Variants in GLO1 observed in about 807,000 individuals in gnomAD.
The protein encoded by GLO1 is glyoxalase I.
GLO1 carries 28 observed loss-of-function variants against 26.0 expected under a neutral mutation model. The observed-to-expected ratio is 1.08, with a 90% confidence interval of 0.80 to 1.48. The LOEUF is 1.48. GLO1 is among the 40% of genes most tolerant of loss of function. GLO1 has a pLI of 0.00. For missense variants in GLO1, 225 were observed against 224.8 expected, an observed-to-expected ratio of 1.00 and a Z score of -0.01; for synonymous variants, 78 against 77.6, an observed-to-expected ratio of 1.00 and a Z score of -0.03.
At chr6:38,693,712 TTG>T (rs1761566442) in intron 1 of GLO1, among the ~76,000 whole-genome samples, 1 of 149,760 alleles carries the variant, frequency 6.7e-6, no homozygotes, top group Non-Finnish European at 1.5e-5. Context: ...TATATTTGTT[TTG>T]TTTTGTTTTG....
At chr6:38,687,222 T>A in intron 1 of GLO1, 1 of 352,360 alleles carries the variant, frequency 2.8e-6, no homozygotes, top group Non-Finnish European at 4.0e-6. Flanking sequence ...TCCCTGTCCC[T>A]TGGTGGGACA....
intron 1 of GLO1, among the ~76,000 whole-genome samples, chr6:38,693,174 AGTTT>A (rs1341120109): frequency 6.6e-6 from 1 of 152,156 alleles, no homozygotes; most frequent in African/African-American, 2.4e-5. Flanking sequence ...CTTCTTTGGA[AGTTT>A]GTTAATCATA....
chr6:38,682,160 T>C, intron 4 of GLO1, 59 bp from the exon 5 acceptor site: 1 of 923,220 alleles, frequency 1.1e-6, no homozygotes, highest in Non-Finnish European at 1.8e-6. Context: ...TAACAGGGTG[T>C]CCAAGTACCA....
At chr6:38,698,859 C>G (rs1761651163) in intron 1 of GLO1, among the ~76,000 whole-genome samples, 4 of 151,972 alleles carry the variant, frequency 2.6e-5, no homozygotes, top group Admixed American at 2.0e-4. Context: ...CAAACGAGAC[C>G]CTCATATCAC....
At position 38,698,757 on chromosome 6, in the gene GLO1, C is replaced by T. The variant is rs1205228693; in HGVS notation, c.84+4214G>A. Among the ~76,000 whole-genome samples, 8 of 147,072 alleles carry T rather than the reference C, an allele frequency of 5.4e-5. No individual in the cohort carries two copies. In the Admixed American group the frequency reaches 5.7e-4, roughly 10 times the overall value. On this transcript the variant is annotated intron_variant, in intron 1 of 5. Transcript: ENST00000373365. ...CCCAGAGAGATTGCCCAAAATGTGA[C>T]ATAGCCATACATTCTCTGGACTTCC... is the stretch of plus-strand genomic sequence containing the variant.
intron 5 of GLO1, among the ~76,000 whole-genome samples, chr6:38,678,398 G>A (rs59539281): frequency 0.39 from 54,175 of 139,654 alleles, 10,793 homozygotes; most frequent in Non-Finnish European, 0.42. Flanking sequence ...AAGGAAGGAA[G>A]GAAAAGAAAA....
intron 1 of GLO1, among the ~76,000 whole-genome samples, chr6:38,693,784 C>T (rs1464976718): frequency 6.6e-6 from 1 of 151,832 alleles, no homozygotes; most frequent in Non-Finnish European, 1.5e-5. Context: ...GATCTCGGCT[C>T]ACTGCAAGCT....
At chr6:38,693,347 TC>T (rs919405883) in intron 1 of GLO1, among the ~76,000 whole-genome samples, 4 of 152,194 alleles carry the variant, frequency 2.6e-5, no homozygotes, top group Non-Finnish European at 4.4e-5. Context: ...CCTATTTCAT[TC>T]CTGATATTGG....
intron 1 of GLO1, among the ~76,000 whole-genome samples, chr6:38,696,503 A>G (rs1296338152): frequency 3.9e-5 from 6 of 152,232 alleles, no homozygotes; most frequent in Non-Finnish European, 8.8e-5. Context: ...GTCTGTCCTC[A>G]TAGATGGTAC....
chr6:38,701,517 C>T (rs1055384147), intron 1 of GLO1, among the ~76,000 whole-genome samples: 103 of 152,248 alleles, frequency 6.8e-4, no homozygotes, highest in African/African-American at 2.1e-3. Context: ...TTGAAAACCC[C>T]ATTACATAAA....
At chr6:38,683,703 T>C (rs978216554) in intron 3 of GLO1, among the ~76,000 whole-genome samples, 3 of 151,854 alleles carry the variant, frequency 2.0e-5, no homozygotes, top group East Asian at 1.9e-4. Context: ...CTGGCTAACA[T>C]GGTGAAACCC....
chr6:38,701,362 A>T (rs1403846335), intron 1 of GLO1, among the ~76,000 whole-genome samples: 2 of 59,538 alleles, frequency 3.4e-5, no homozygotes, highest in Non-Finnish European at 6.7e-5. Flanking sequence ...ATTCCATTTT[A>T]TGTCTCCCAT....
chr6:38,695,612 C>A (rs1002181479), intron 1 of GLO1, among the ~76,000 whole-genome samples: 2 of 152,034 alleles, frequency 1.3e-5, no homozygotes, highest in African/African-American at 2.4e-5. Flanking sequence ...GGCTCCCTAC[C>A]CAGCCTTCCC....
In GLO1 at chr6:38,677,264, T is replaced by G. The variant is rs755608541; in HGVS notation, c.*31A>C. 3 of 965,086 alleles carry G rather than the reference T, an allele frequency of 3.1e-6. No homozygotes were observed. Among genetic ancestry groups the G allele is most frequent in the Non-Finnish European group, 5.1e-6 (3 of 588,134 alleles). 59.8% of individuals were successfully genotyped at this position (965,086 alleles called of 1,614,324 possible). On this transcript the variant is annotated 3_prime_UTR_variant, in exon 6 of 6. Coordinates refer to ENST00000373365, the MANE Select transcript of GLO1 (RefSeq NM_006708.3). ...TCTTGAATCACATTGTTTCCTTTCT[T>G]CTGAAATCTCAAAGGAGAATTCTCA...
At position 38,688,937 on chromosome 6, in the gene GLO1, C is replaced by A. The variant is rs558115830; in HGVS notation, c.85-1963G>T. 1.2e-4 allele frequency among the ~76,000 whole-genome samples: 19 copies of A among 152,234 alleles called. No homozygotes were observed. The South Asian group carries it at 3.7e-3, about 30-fold the overall frequency. ...GCAGGAGAGAGAGAGAGCGAGCGTG[C>A]GCGCGCAAAGAAAGTAGAAGAGGAG... On this transcript the variant is annotated intron_variant, in intron 1 of 5. Transcript: ENST00000373365.
At chr6:38,697,462 G>A (rs567093691) in intron 1 of GLO1, among the ~76,000 whole-genome samples, 1 of 152,260 alleles carries the variant, frequency 6.6e-6, no homozygotes, top group African/African-American at 2.4e-5. Flanking sequence ...TGTACCACAG[G>A]AGCCAGTATC....
chr6:38,690,107 T>A (rs1220023306), intron 1 of GLO1, among the ~76,000 whole-genome samples: 1 of 152,184 alleles, frequency 6.6e-6, no homozygotes, highest in East Asian at 1.9e-4. Context: ...GACCAAGATG[T>A]TCTCTTTCTA....
Position 38,682,789 on chromosome 6 carries a change from TA to T in GLO1, c.376+18del. 4 of 1,467,500 alleles carry T rather than the reference TA, an allele frequency of 2.7e-6. No homozygotes were observed. Among genetic ancestry groups the T allele is most frequent in the Non-Finnish European group, 3.8e-6 (4 of 1,046,964 alleles). The allele number at this position is 1,467,500 out of a possible 1,614,324, so 90.9% of individuals were successfully genotyped here. A position where few individuals can be genotyped will look rare whatever the true frequency, so the allele number is the denominator to read the frequency against. On this transcript the variant is annotated intron_variant, in intron 4 of 5. Transcript: ENST00000373365. ...ATCACACAAATCTACATATATCACATAAAAACAGGCAAACTTACCGAATCCT... is the reference window on the plus strand; with the variant it reads ...ATCACACAAATCTACATATATCACATAAAACAGGCAAACTTACCGAATCCT...
At chr6:38,697,978 C>A (rs934398283) in intron 1 of GLO1, among the ~76,000 whole-genome samples, 5 of 152,168 alleles carry the variant, frequency 3.3e-5, no homozygotes, top group African/African-American at 1.2e-4. Context: ...GGTTCCTCAA[C>A]ACATTTGAGA....
Sources: allele counts gnomAD v4.1 joint callset (sites outside exome capture counted in the v4.1 genomes callset), GRCh38; gene constraint gnomAD v4.1.1; transcripts MANE v1.5; gene names NCBI Gene and HGNC (gene_info 2026-07-23, HGNC 2026-07-21).